GON4L: variants seen among roughly 807,000 people sequenced by gnomAD.
The protein encoded by GON4L is gon-4 like, also known as GON-4-like protein.
A neutral mutation model predicts 211.8 loss-of-function variants in GON4L; 87 were observed. That is an observed-to-expected ratio of 0.41 (90% CI 0.35 to 0.49). GON4L has a LOEUF of 0.49. Among genes scored for constraint, GON4L ranks in the 20% least tolerant of loss-of-function variants. GON4L has a pLI of 0.15. For missense variants in GON4L, 2,155 were observed against 2,659.5 expected, an observed-to-expected ratio of 0.81 and a Z score of 4.17; for synonymous variants, 875 against 962.6, an observed-to-expected ratio of 0.91 and a Z score of 1.68.
chr1:155,786,776 AT>A lies in GON4L; in HGVS notation c.1748-1403del, dbSNP rs200816309. Among the ~76,000 whole-genome samples the A allele has an allele frequency of 7.9e-3, 1,184 of 148,940 alleles. 15 individuals are homozygous for A. Among genetic ancestry groups the A allele is most frequent in the African/African-American group, 0.027 (1,103 of 40,756 alleles). On this transcript the variant is annotated intron_variant, in intron 12 of 31. Coordinates refer to ENST00000368331, the MANE Select transcript of GON4L (RefSeq NM_001282860.2). ...TAAATTTAAAGTTCTATGTTTAAGA[AT>A]TTTTTTTTTTAATAGAGGCAGCATG...
chr1:155,854,438 A>G (rs1672093093), intron 1 of GON4L, among the ~76,000 whole-genome samples: 1 of 152,158 alleles, frequency 6.6e-6, no homozygotes. Context: ...TACAGGCGTG[A>G]GCCACCGCGT....
At chr1:155,852,899 G>C (rs765493512) in intron 2 of GON4L, among the ~76,000 whole-genome samples, 1 of 152,212 alleles carries the variant, frequency 6.6e-6, no homozygotes, top group Non-Finnish European at 1.5e-5. Flanking sequence ...TATCACCTGA[G>C]GTCAGGAGTT....
chr1:155,785,496 C>CT, intron 12 of GON4L, 122 bp from the exon 13 acceptor site: 3 of 777,092 alleles, frequency 3.9e-6, no homozygotes, highest in Non-Finnish European at 4.6e-6. Flanking sequence ...ATCTATCCTT[C>CT]TTTTTTTGAG....
chr1:155,771,038 C>T lies in GON4L; in HGVS notation c.2646+29G>A, dbSNP rs558747125. The stretch of plus-strand genomic sequence containing the variant: ...AGAATGGGTACATATTGGTGAGGTG[C>T]CCGGATGGCGCATGCAGGAAACACT... On this transcript the variant is annotated intron_variant, in intron 19 of 31. Transcript: ENST00000368331. 9.3e-6 allele frequency: 15 copies of T among 1,613,986 alleles called. No homozygotes were observed. In the Admixed American group the frequency reaches 2.2e-4, roughly 23 times the overall value.
intron 9 of GON4L, 36 bp from the exon 10 acceptor site, chr1:155,813,840 G>A (rs771063244): frequency 1.3e-6 from 2 of 1,588,520 alleles, no homozygotes; most frequent in African/African-American, 1.3e-5. Flanking sequence ...AAAAAGGAAG[G>A]AGGTAAGAAA....
chr1:155,753,450 A>C (rs1660825853), intron 28 of GON4L, 36 bp from the exon 29 acceptor site: 3 of 1,512,772 alleles, frequency 2.0e-6, no homozygotes, highest in Non-Finnish European at 2.7e-6. Flanking sequence ...AGGTGTTCTG[A>C]CTGCCTATGT....
At chr1:155,849,121 C>T (rs1213244328) in intron 2 of GON4L, among the ~76,000 whole-genome samples, 66 of 133,328 alleles carry the variant, frequency 5.0e-4, no homozygotes, top group Middle Eastern at 4.5e-3. Flanking sequence ...GCCCTCCAGC[C>T]TAAACAACAG....
rs1663157403 is a variant in GON4L, at chr1:155,771,174, G to GA, written c.2538dup (p.Pro847SerfsTer2). On this transcript the variant is annotated frameshift_variant, in exon 19 of 32. Coordinates refer to ENST00000368331, the MANE Select transcript of GON4L (RefSeq NM_001282860.2). LOFTEE classifies it high-confidence loss of function. The stretch of plus-strand genomic sequence containing the variant: ...AGGTACTTGCTGATTAGAGGATTAG[G>GA]AAACTCAGTTCCTTCAAAATGCTTC... 1 of 1,614,046 alleles carries GA rather than the reference G, an allele frequency of 6.2e-7. No homozygotes were observed. Among genetic ancestry groups the GA allele is most frequent in the Admixed American group, 1.7e-5 (1 of 59,986 alleles).
intron 14 of GON4L, among the ~76,000 whole-genome samples, chr1:155,778,748 C>A (rs1411142913): frequency 6.6e-6 from 1 of 152,130 alleles, no homozygotes; most frequent in East Asian, 1.9e-4. Flanking sequence ...TTGTTCCCCA[C>A]CCTGTGCCCA....
intron 11 of GON4L, among the ~76,000 whole-genome samples, chr1:155,801,112 C>CA (rs367752032): frequency 0.05 from 3,606 of 72,722 alleles, 153 homozygotes; most frequent in African/African-American, 0.11. Flanking sequence ...TGCTGCTGCT[C>CA]AAAAAAAAAA....
In GON4L at chr1:155,750,420, C is replaced by A. The variant is rs1387196649; in HGVS notation, c.*164G>T. On this transcript the variant is annotated 3_prime_UTR_variant, in exon 32 of 32. Transcript: ENST00000368331. Reference sequence around the variant, plus strand: ...TTGAATGATGCCTAGGATGGCAGAGCCCCTGGGTCCTACTCCATCCTCCAG... The same window carrying A: ...TTGAATGATGCCTAGGATGGCAGAGACCCTGGGTCCTACTCCATCCTCCAG... 4 of 618,724 alleles carry A rather than the reference C, an allele frequency of 6.5e-6. No individual in the cohort carries two copies. Among genetic ancestry groups the A allele is most frequent in the South Asian group, 2.0e-5 (1 of 50,870 alleles). The allele number at this position is 618,724 out of a possible 1,614,324, so 38.3% of individuals were successfully genotyped here.
intron 12 of GON4L, among the ~76,000 whole-genome samples, chr1:155,786,574 C>T (rs573081790): frequency 1.4e-4 from 22 of 152,184 alleles, no homozygotes; most frequent in African/African-American, 5.1e-4. Flanking sequence ...AGCAGGGTTT[C>T]ACAGGACGCT....
intron 11 of GON4L, among the ~76,000 whole-genome samples, chr1:155,798,023 G>A (rs1215370570): frequency 6.6e-6 from 1 of 151,482 alleles, no homozygotes; most frequent in East Asian, 1.9e-4. Context: ...TGAGGCTGCA[G>A]TGAGTCATGA....
At chr1:155,786,199 TAG>T (rs933486445) in intron 12 of GON4L, among the ~76,000 whole-genome samples, 84 of 151,376 alleles carry the variant, frequency 5.5e-4, no homozygotes, top group African/African-American at 1.9e-3. Flanking sequence ...GAAAGAGAGA[TAG>T]AGAGAGAGAG....
chr1:155,817,221 T>G (rs1488187959), intron 6 of GON4L, among the ~76,000 whole-genome samples: 2 of 152,196 alleles, frequency 1.3e-5, no homozygotes, highest in Non-Finnish European at 2.9e-5. Flanking sequence ...CTCAAAATCC[T>G]GGGCTCAAAC....
downstream of GON4L, among the ~76,000 whole-genome samples, chr1:155,749,112 C>T (rs1189323020): frequency 6.6e-6 from 1 of 152,064 alleles, no homozygotes; most frequent in African/African-American, 2.4e-5. Flanking sequence ...ATTAGCCAGG[C>T]ATGGTGGCAC....
At position 155,807,184 on chromosome 1, in the gene GON4L, T is replaced by G. The variant is rs527749930; in HGVS notation, c.1453-2043A>C. ...GATAGGCTGTGGTGACAAGATCGCT[T>G]GAGTCTAGGAGTTCAAGACCAGCTG... On this transcript the variant is annotated intron_variant, in intron 10 of 31. Transcript: ENST00000368331. Among the ~76,000 whole-genome samples the G allele has an allele frequency of 8.6e-5, 13 of 151,512 alleles. No individual in the cohort carries two copies. The South Asian group carries it at 2.7e-3, about 32-fold the overall frequency.
At chr1:155,746,932 G>A, downstream of GON4L, 4 of 1,601,328 alleles carry the variant, frequency 2.5e-6, no homozygotes, top group South Asian at 3.3e-5. Context: ...CTCCATAGGG[G>A]CAGGTAAACG....
chr1:155,752,248 G>C lies in GON4L; in HGVS notation c.6185C>G (p.Ala2062Gly), dbSNP rs774453466. The change falls in exon 30 of 32, where the codon GCA becomes GGA. Residue 2062 changes from alanine (A) to glycine (G), a missense_variant. Physicochemically the swap from Ala to Gly is moderately conservative, Grantham distance 60. This residue lies in a region of GON4L where 186 missense variants were observed against 308.1 expected (regional missense o/e 0.60). Transcript: ENST00000368331. ...LSPVSSKTRD[A>G]GRRHVSGKPD... ...TTTCCCGGACACATGTCTTCTCCCT[G>C]CATCTCTGGTCTTTGAGGAAACAGG... is the stretch of plus-strand genomic sequence containing the variant. The C allele has an allele frequency of 6.2e-7, 1 of 1,605,102 alleles. No homozygotes were observed. Among genetic ancestry groups the C allele is most frequent in the Non-Finnish European group, 8.5e-7 (1 of 1,172,362 alleles).
Sources: gnomAD v4.1 joint callset for allele counts (sites outside exome capture counted in the v4.1 genomes callset) on GRCh38, gnomAD v4.1.1 for gene constraint, gnomAD v4.1.1 regional missense constraint, MANE v1.5 for transcripts, NCBI Gene and HGNC (gene_info 2026-07-23, HGNC 2026-07-21) for gene names.